MPP7: variants seen among roughly 807,000 people sequenced by gnomAD.
MPP7 encodes MAGUK p55 scaffold protein 7.
Under a neutral mutation model 76.5 loss-of-function variants are expected in MPP7, and 60 were observed. That is an observed-to-expected ratio of 0.78 (90% confidence interval 0.64 to 0.97). MPP7 has a LOEUF of 0.97. MPP7 is among the 50% of genes least tolerant of loss of function. MPP7 has a pLI of 0.00. For synonymous variants in MPP7, 237 were observed against 244.5 expected, an observed-to-expected ratio of 0.97 and a Z score of 0.29; for missense variants, 641 against 694.0, an observed-to-expected ratio of 0.92 and a Z score of 0.86.
intron 11 of MPP7, chr10:28,118,245 G>C: frequency 5.1e-6 from 5 of 985,086 alleles, no homozygotes; most frequent in Non-Finnish European, 6.0e-6. Context: ...CAGTTTGAAA[G>C]AGCTATTAAA....
At chr10:28,292,653 TAA>T (rs1406703388) in intron 1 of MPP7, among the ~76,000 whole-genome samples, 1 of 152,180 alleles carries the variant, frequency 6.6e-6, no homozygotes, top group Non-Finnish European at 1.5e-5. Context: ...AATTCTAATA[TAA>T]AGCCATGGTT....
intron 2 of MPP7, among the ~76,000 whole-genome samples, chr10:28,315,424 A>T (rs1380134503): frequency 6.6e-6 from 1 of 152,002 alleles, no homozygotes; most frequent in Non-Finnish European, 1.5e-5. Flanking sequence ...GGCAGTGTTT[A>T]CCTGAAGCAG....
At chr10:28,163,175 TTCCTG>T (rs1836322755) in intron 3 of MPP7, among the ~76,000 whole-genome samples, 3 of 152,118 alleles carry the variant, frequency 2.0e-5, no homozygotes, top group African/African-American at 7.2e-5. Flanking sequence ...TGGTCTCTCT[TTCCTG>T]TCTGAACACA....
chr10:28,115,072 T>TTTGG (rs142724487), intron 11 of MPP7, among the ~76,000 whole-genome samples: 14 of 151,214 alleles, frequency 9.3e-5, no homozygotes, highest in African/African-American at 2.7e-4. Context: ...ACGTTAGGTT[T>TTTGG]TTTGTTTGTT....
chr10:28,198,044 G>A (rs1016295258), intron 3 of MPP7, among the ~76,000 whole-genome samples: 1 of 151,992 alleles, frequency 6.6e-6, no homozygotes, highest in African/African-American at 2.4e-5. Context: ...AAAATTATCT[G>A]GAAAATATCA....
chr10:28,252,010 A>G (rs919791711), intron 1 of MPP7, among the ~76,000 whole-genome samples: 8 of 152,154 alleles, frequency 5.3e-5, no homozygotes, highest in African/African-American at 1.9e-4. Flanking sequence ...TTTCTTTTGC[A>G]GTTTCAGAAA....
chr10:28,309,739 G>A (rs967443150), intron 2 of MPP7, among the ~76,000 whole-genome samples: 10 of 152,256 alleles, frequency 6.6e-5, no homozygotes, highest in Admixed American at 2.0e-4. Context: ...TGTTTGGGTC[G>A]TGGGGGCGGA....
At chr10:28,325,830 C>G (rs1186640028) in intron 2 of MPP7, among the ~76,000 whole-genome samples, 1 of 151,896 alleles carries the variant, frequency 6.6e-6, no homozygotes, top group Admixed American at 6.6e-5. Flanking sequence ...TAAAAATTGG[C>G]CCAGGTATGG....
Position 28,268,245 on chromosome 10 carries a change from T to C in MPP7, c.-131-29510A>G, listed in dbSNP as rs921874767. On this transcript the variant is annotated intron_variant, in intron 1 of 16. Coordinates refer to ENST00000683449, the MANE Select transcript of MPP7 (RefSeq NM_001318170.2). ...AGAGACAAGGGCATCCGGCAGAAGG[T>C]ACAAGAAGAATTCAGGCTGGGAAGA... Among the ~76,000 whole-genome samples, 35 of 152,048 alleles carry C rather than the reference T, an allele frequency of 2.3e-4. 1 individual carries two copies. Among genetic ancestry groups the C allele is most frequent in the African/African-American group, 8.2e-4 (34 of 41,456 alleles).
chr10:28,283,690 T>C (rs1840732458), intron 1 of MPP7, among the ~76,000 whole-genome samples: 1 of 151,986 alleles, frequency 6.6e-6, no homozygotes, highest in Non-Finnish European at 1.5e-5. Context: ...AATTTTTGTA[T>C]TTTTAGTAGA....
chr10:28,246,343 G>C (rs1057003160), intron 1 of MPP7, among the ~76,000 whole-genome samples: 2 of 151,932 alleles, frequency 1.3e-5, no homozygotes, highest in Non-Finnish European at 2.9e-5. Flanking sequence ...GACTACATCT[G>C]ACAAAACTGT....
At chr10:28,067,217 G>A (rs546422552) in intron 13 of MPP7, among the ~76,000 whole-genome samples, 66 of 152,238 alleles carry the variant, frequency 4.3e-4, no homozygotes, top group African/African-American at 1.5e-3. Context: ...TGTAATACAT[G>A]CTTTCAAAAA....
intron 1 of MPP7, among the ~76,000 whole-genome samples, chr10:28,270,230 A>G (rs1236735070): frequency 1.3e-5 from 2 of 152,242 alleles, no homozygotes; most frequent in East Asian, 1.9e-4. Flanking sequence ...GGTCAAGGCA[A>G]ATCTCAGCAG....
chr10:28,228,934 T>C (rs547203931), intron 2 of MPP7, among the ~76,000 whole-genome samples: 3 of 151,906 alleles, frequency 2.0e-5, no homozygotes, highest in Non-Finnish European at 4.4e-5. Flanking sequence ...TGATGGCTGA[T>C]GGAAAGACCA....
At chr10:28,143,773 T>C (rs1835606549) in intron 5 of MPP7, among the ~76,000 whole-genome samples, 1 of 141,534 alleles carries the variant, frequency 7.1e-6, no homozygotes. Context: ...AGACCACGTA[T>C]TACAATTGTC....
chr10:28,268,589 G>A (rs755274686), intron 1 of MPP7, among the ~76,000 whole-genome samples: 9 of 151,956 alleles, frequency 5.9e-5, no homozygotes, highest in African/African-American at 9.7e-5. Context: ...AAAGTTACCC[G>A]GGTGTGGTGG....
intron 3 of MPP7, among the ~76,000 whole-genome samples, chr10:28,176,504 G>A (rs1836866031): frequency 2.0e-5 from 3 of 151,936 alleles, no homozygotes; most frequent in Admixed American, 2.0e-4. Flanking sequence ...GGAGGCTGAG[G>A]TGGGTGGATC....
At chr10:28,168,171 G>A (rs772729577) in intron 3 of MPP7, among the ~76,000 whole-genome samples, 4 of 152,006 alleles carry the variant, frequency 2.6e-5, no homozygotes, top group Non-Finnish European at 4.4e-5. Flanking sequence ...GTAGGCGGAG[G>A]CTGCAGTGAA....
At position 28,131,615 on chromosome 10, in the gene MPP7, T is replaced by C. The variant is rs768482630; in HGVS notation, c.392A>G (p.Asp131Gly). ...TATTTTTACTGAGTCTTCCTCATCG[T>C]CAATATCTTCAGGCATAGGAGGCAA... ...PVLPPMPEDI[D>G]DEEDSVKIIR... The change falls in exon 6 of 17, where the codon GAC becomes GGC. Residue 131 changes from aspartate (D) to glycine (G), a missense_variant. Physicochemically the swap from Asp to Gly is moderately conservative, Grantham distance 94 (BLOSUM62 -1). Transcript: ENST00000683449. 8.1e-6 allele frequency: 13 copies of C among 1,607,228 alleles called. No homozygotes were observed. In the South Asian group the frequency reaches 1.2e-4, roughly 15 times the overall value.
Sources: gnomAD v4.1 joint callset for allele counts (sites outside exome capture counted in the v4.1 genomes callset) on GRCh38, gnomAD v4.1.1 for gene constraint, MANE v1.5 for transcripts, NCBI Gene and HGNC (gene_info 2026-07-23, HGNC 2026-07-21) for gene names.